The following GPATCH1 variants were observed in gnomAD, a reference collection of about 807,000 sequenced individuals.
GPATCH1 encodes G patch domain-containing protein 1.
Under a neutral mutation model 114.9 loss-of-function variants are expected in GPATCH1, and 73 were observed. The observed-to-expected ratio is 0.64, with a 90% confidence interval of 0.53 to 0.77. The LOEUF is 0.77. Ranked by LOEUF, GPATCH1 falls within the 30% of genes least tolerant of loss-of-function variation. The pLI is 0.00. For synonymous variants in GPATCH1, 391 were observed against 428.4 expected, an observed-to-expected ratio of 0.91 and a Z score of 1.08; for missense variants, 1,058 against 1,144.3, an observed-to-expected ratio of 0.92 and a Z score of 1.09.
chr19:33,130,378 G>T lies in GPATCH1; in HGVS notation c.*218G>T. 9.4e-6 allele frequency: 4 copies of T among 423,442 alleles called. No homozygotes were observed. The highest frequency in any genetic ancestry group is 4.2e-6 in the Non-Finnish European group (1 of 240,658). The allele number at this position is 423,442 out of a possible 1,614,324, so 26.2% of individuals were successfully genotyped here. A position where few individuals can be genotyped will look rare whatever the true frequency, so the allele number is the denominator to read the frequency against. ...GTATCGGGGGAAAAAAATCCAGACT[G>T]AACAGTTTAATTAAAGTGGAATTTT... is the stretch of plus-strand genomic sequence containing the variant. On this transcript the variant is annotated 3_prime_UTR_variant, in exon 20 of 20. Coordinates refer to ENST00000170564, the MANE Select transcript of GPATCH1 (RefSeq NM_018025.3).
intron 2 of GPATCH1, 31 bp downstream of exon 2, chr19:33,088,299 C>T: frequency 1.3e-6 from 2 of 1,481,712 alleles, no homozygotes; most frequent in Non-Finnish European, 1.8e-6. Context: ...GCTATTATAC[C>T]ATTAAAGCAA....
In GPATCH1 at chr19:33,086,740, G is replaced by A. The variant is rs533908848; in HGVS notation, c.74-1394G>A. ...CAAAGTGCTGGGATTACAGGCATGA[G>A]TCATTGCGCCAGGCTGATGACAAAT... On this transcript the variant is annotated intron_variant, in intron 1 of 19. Coordinates refer to ENST00000170564, the MANE Select transcript of GPATCH1 (RefSeq NM_018025.3). 5.3e-5 allele frequency among the ~76,000 whole-genome samples: 8 copies of A among 152,240 alleles called. No homozygotes were observed. The East Asian group carries it at 1.5e-3, about 29-fold the overall frequency.
chr19:33,081,538 G>A (rs762655819), intron 1 of GPATCH1, among the ~76,000 whole-genome samples: 19 of 152,180 alleles, frequency 1.2e-4, no homozygotes, highest in Non-Finnish European at 2.5e-4. Context: ...GTGAGAGCGG[G>A]GGGTGCTCAG....
At chr19:33,084,577 G>A (rs115843367) in intron 1 of GPATCH1, among the ~76,000 whole-genome samples, 1,634 of 151,534 alleles carry the variant, frequency 0.011, 28 homozygotes, top group African/African-American at 0.038. Context: ...TGCACTGTCC[G>A]CCTTTCTGGT....
At chr19:33,087,793 C>T (rs894781202) in intron 1 of GPATCH1, among the ~76,000 whole-genome samples, 2 of 151,536 alleles carry the variant, frequency 1.3e-5, no homozygotes, top group African/African-American at 4.9e-5. Context: ...AAGCGATTCT[C>T]CTGCCTCAGC....
At chr19:33,093,753 A>G (rs967015518) in intron 4 of GPATCH1, among the ~76,000 whole-genome samples, 6 of 152,108 alleles carry the variant, frequency 3.9e-5, no homozygotes, top group African/African-American at 1.4e-4. Flanking sequence ...GCTGTTAGGA[A>G]TTACAGTGAC....
chr19:33,102,964 T>C (rs1163411904), intron 9 of GPATCH1, among the ~76,000 whole-genome samples: 1 of 152,164 alleles, frequency 6.6e-6, no homozygotes, highest in Non-Finnish European at 1.5e-5. Flanking sequence ...GAGCTCTGCG[T>C]GCCTTTGCAG....
At chr19:33,122,429 G>A (rs958704506) in intron 17 of GPATCH1, among the ~76,000 whole-genome samples, 3 of 151,046 alleles carry the variant, frequency 2.0e-5, no homozygotes, top group Non-Finnish European at 2.9e-5. Context: ...GGTTCACGCC[G>A]TTCTCCTGCC....
intron 1 of GPATCH1, among the ~76,000 whole-genome samples, chr19:33,085,169 A>T (rs1161667953): frequency 6.6e-6 from 1 of 151,662 alleles, no homozygotes; most frequent in Non-Finnish European, 1.5e-5. Context: ...AGTTTTCTAT[A>T]CCCCAGCTCT....
At chr19:33,106,993 C>T (rs1972792672) in intron 10 of GPATCH1, 94 bp downstream of exon 10, 1 of 941,170 alleles carries the variant, frequency 1.1e-6, no homozygotes. Context: ...AAGTTTTTTA[C>T]ATGAATTTGT....
At chr19:33,084,151 A>G (rs1972510472) in intron 1 of GPATCH1, among the ~76,000 whole-genome samples, 1 of 152,152 alleles carries the variant, frequency 6.6e-6, no homozygotes, top group Non-Finnish European at 1.5e-5. Context: ...CTCTGTCTGT[A>G]TTTTACGATA....
At chr19:33,123,753 AT>A (rs1261985535) in intron 17 of GPATCH1, among the ~76,000 whole-genome samples, 3 of 152,080 alleles carry the variant, frequency 2.0e-5, no homozygotes, top group African/African-American at 7.2e-5. Flanking sequence ...AAAAAAAAAA[AT>A]AAATAAAGAA....
At position 33,100,153 on chromosome 19, in the gene GPATCH1, A is replaced by G. The variant is rs1240664381; in HGVS notation, c.1001-1342A>G. The G allele has an allele frequency of 3.3e-5, 5 of 152,210 alleles. No individual in the cohort carries two copies. In the East Asian group the frequency reaches 7.7e-4, roughly 24 times the overall value. The allele number at this position is 152,210 out of a possible 1,614,324, so 9.4% of individuals were successfully genotyped here. A position where few individuals can be genotyped will look rare whatever the true frequency, so the allele number is the denominator to read the frequency against. ...TATTTTTCTGATTCTGTCTTTATGT[A>G]CATTTGTTTATTTCTTCAGAATTCT... is the stretch of plus-strand genomic sequence containing the variant. On this transcript the variant is annotated intron_variant, in intron 8 of 19. Transcript: ENST00000170564.
Position 33,112,560 on chromosome 19 carries a change from G to C in GPATCH1, c.1839G>C (p.Trp613Cys). 6.2e-7 allele frequency: 1 copy of C among 1,613,768 alleles called. No individual in the cohort carries two copies. The highest frequency in any genetic ancestry group is 8.5e-7 in the Non-Finnish European group (1 of 1,179,742). ...AGCTCACCCGAGACACGTTTGAGTGGCACCCTGACAAGCTTCTATGTAAGA... is the reference window on the plus strand; with the variant it reads ...AGCTCACCCGAGACACGTTTGAGTGCCACCCTGACAAGCTTCTATGTAAGA... ...FGKLTRDTFE[W>C]HPDKLLCKRF... Residue 613 changes from tryptophan to cysteine, a missense_variant, in exon 13 of 20, where the codon TGG becomes TGC. By Grantham distance (215) the Trp-to-Cys change is radical. This residue lies in a region of GPATCH1 where 893 missense variants were observed against 977.4 expected (regional missense o/e 0.91). Coordinates refer to ENST00000170564, the MANE Select transcript of GPATCH1 (RefSeq NM_018025.3).
chr19:33,097,071 G>A (rs1465038836), intron 7 of GPATCH1, among the ~76,000 whole-genome samples: 1 of 151,396 alleles, frequency 6.6e-6, no homozygotes, highest in Non-Finnish European at 1.5e-5. Flanking sequence ...TCAGCCACCT[G>A]ACTAGCTGAG....
rs1972629222 is a variant in GPATCH1 at position 33,094,226 on chromosome 19, A to T, written c.510A>T (p.Gly170=). Residue 170 remains glycine, a synonymous_variant, in exon 5 of 20, where the codon GGA becomes GGT. Transcript: ENST00000170564. Reference sequence around the variant, plus strand: ...AAATGGGTTGGAAAGAAGGACAAGGAGTTGGTCCTCGAGTAAAGAGACGGC... The same window carrying T: ...AAATGGGTTGGAAAGAAGGACAAGGTGTTGGTCCTCGAGTAAAGAGACGGC... ...LRKMGWKEGQ[G]VGPRVKRRPR... The T allele has an allele frequency of 6.8e-6, 11 of 1,610,226 alleles. No individual in the cohort carries two copies. Among genetic ancestry groups the T allele is most frequent in the Non-Finnish European group, 8.5e-6 (10 of 1,176,532 alleles).
chr19:33,082,115 GGAT>G (rs1972484884), intron 1 of GPATCH1, among the ~76,000 whole-genome samples: 1 of 118,130 alleles, frequency 8.5e-6, no homozygotes, highest in Non-Finnish European at 1.8e-5. Context: ...ATGGTGGCAT[GGAT>G]GGGACAGCAG....
At chr19:33,124,495 A>G (rs960187895) in intron 17 of GPATCH1, among the ~76,000 whole-genome samples, 3 of 152,136 alleles carry the variant, frequency 2.0e-5, no homozygotes, top group Admixed American at 6.6e-5. Context: ...TTTTGATGGT[A>G]GTTTTTTCAG....
At position 33,130,138 on chromosome 19, in the gene GPATCH1, G is replaced by T. The variant is rs756621268; in HGVS notation, c.2774G>T (p.Ser925Ile). The change falls in exon 20 of 20, where the codon AGT (serine) becomes ATT (isoleucine). Residue 925 changes from serine (S) to isoleucine (I), a missense_variant. Ser to Ile is a moderately radical substitution (Grantham distance 142). Transcript: ENST00000170564. Reference protein sequence around the residue: ...SPQELLRRLKSLPLRRQ With the variant: ...SPQELLRRLKILPLRRQ Reference sequence around the variant, plus strand: ...TCTGTTTTCTTTTCCAGGCTGAAAAGTCTTCCACTAAGAAGGCAGTAATTG... The same window carrying T: ...TCTGTTTTCTTTTCCAGGCTGAAAATTCTTCCACTAAGAAGGCAGTAATTG... The T allele has an allele frequency of 1.9e-6, 3 of 1,611,656 alleles. No homozygotes were observed. The highest frequency in any genetic ancestry group is 2.5e-6 in the Non-Finnish European group (3 of 1,177,918).
Sources: gnomAD v4.1 joint callset for allele counts (sites outside exome capture counted in the v4.1 genomes callset) on GRCh38, gnomAD v4.1.1 for gene constraint, gnomAD v4.1.1 regional missense constraint, MANE v1.5 for transcripts, NCBI Gene and HGNC (gene_info 2026-07-23, HGNC 2026-07-21) for gene names.